Variants in BMPR2 observed in about 807,000 individuals in gnomAD.
BMPR2 encodes the protein bone morphogenetic protein receptor type 2.
BMPR2 carries 29 observed loss-of-function variants against 100.8 expected under a neutral mutation model. That is an observed-to-expected ratio of 0.29 (90% CI 0.21 to 0.39). The LOEUF (loss-of-function observed/expected upper bound fraction) is 0.39. BMPR2 is among the 10% of genes least tolerant of loss of function. The pLI, the probability that BMPR2 is intolerant of heterozygous loss-of-function variation, is 1.00. For synonymous variants in BMPR2, 382 were observed against 442.3 expected, an observed-to-expected ratio of 0.86 and a Z score of 1.71; for missense variants, 1,011 against 1,274.5, an observed-to-expected ratio of 0.79 and a Z score of 3.15.
intron 1 of BMPR2, among the ~76,000 whole-genome samples, chr2:202,464,559 G>A (rs1338711240): frequency 6.6e-6 from 1 of 152,132 alleles, no homozygotes. Flanking sequence ...AGAGTGGTGA[G>A]AATAATTTGA....
chr2:202,497,244 CT>C (rs1693054924), intron 3 of BMPR2, among the ~76,000 whole-genome samples: 1 of 152,248 alleles, frequency 6.6e-6, no homozygotes, highest in Admixed American at 6.5e-5. Flanking sequence ...GTGCCGCCCC[CT>C]GCTCCACGGC....
intron 10 of BMPR2, among the ~76,000 whole-genome samples, chr2:202,544,358 T>C (rs879689282): frequency 6.6e-6 from 1 of 152,200 alleles, no homozygotes. Flanking sequence ...AATCCTTGCA[T>C]GTTTAAAAAT....
At chr2:202,476,779 A>C (rs1226751723) in intron 3 of BMPR2, among the ~76,000 whole-genome samples, 1 of 152,146 alleles carries the variant, frequency 6.6e-6, no homozygotes, top group Non-Finnish European at 1.5e-5. Flanking sequence ...GCAGAGCGAG[A>C]CTCAAAAAAA....
At chr2:202,465,758 C>A (rs1263545325) in intron 2 of BMPR2, among the ~76,000 whole-genome samples, 4 of 151,844 alleles carry the variant, frequency 2.6e-5, no homozygotes, top group Non-Finnish European at 5.9e-5. Context: ...CAGGCTGAGG[C>A]AGGAGAATGG....
In BMPR2 at chr2:202,404,209, T is replaced by G. The variant is rs550386776; in HGVS notation, c.76+26659T>G. ...TCTTTGGGTTGTTTTTTTTTTTTTT[T>G]GAGATGGAGTCTTACTCTGTCACCC... On this transcript the variant is annotated intron_variant, in intron 1 of 12. Coordinates refer to ENST00000374580, the MANE Select transcript of BMPR2 (RefSeq NM_001204.7). Among the ~76,000 whole-genome samples the G allele has an allele frequency of 9.3e-3, 1,404 of 150,718 alleles. 9 individuals carry two copies. Among genetic ancestry groups the G allele is most frequent in the Non-Finnish European group, 0.015 (985 of 67,596 alleles).
At chr2:202,411,368 G>C (rs957847393) in intron 1 of BMPR2, among the ~76,000 whole-genome samples, 6 of 152,226 alleles carry the variant, frequency 3.9e-5, no homozygotes, top group African/African-American at 1.4e-4. Flanking sequence ...CTGAGCAGTG[G>C]AGGCAGGCTT....
intron 9 of BMPR2, among the ~76,000 whole-genome samples, chr2:202,540,731 G>A (rs747060337): frequency 6.6e-6 from 1 of 152,172 alleles, no homozygotes; most frequent in East Asian, 1.9e-4. Flanking sequence ...AAGGAAGGCT[G>A]CAGACATTGC....
chr2:202,428,136 C>T (rs1691429362), intron 1 of BMPR2, among the ~76,000 whole-genome samples: 1 of 152,198 alleles, frequency 6.6e-6, no homozygotes, highest in Non-Finnish European at 1.5e-5. Flanking sequence ...TAGCTCCCTC[C>T]TGTCTGCAGA....
rs1559043921 is a variant in BMPR2, at chr2:202,456,155, T to TGG, written c.77-8653_77-8652insGG. 2.7e-3 allele frequency among the ~76,000 whole-genome samples: 406 copies of TGG among 149,424 alleles called. 2 individuals are homozygous for TGG. Among genetic ancestry groups the TGG allele is most frequent in the African/African-American group, 9.7e-3 (393 of 40,688 alleles). On this transcript the variant is annotated intron_variant, in intron 1 of 12. Coordinates refer to ENST00000374580, the MANE Select transcript of BMPR2 (RefSeq NM_001204.7). ...TCAGATCTCATCACAAAGGACACTA[T>TGG]GTTTTTTTGTTTGTTTGTTTGTTTT...
At chr2:202,391,160 G>C (rs1229062887) in intron 1 of BMPR2, among the ~76,000 whole-genome samples, 1 of 151,590 alleles carries the variant, frequency 6.6e-6, no homozygotes, top group African/African-American at 2.4e-5. Context: ...ATTTTTAGTA[G>C]AGACAGGGTT....
At chr2:202,465,843 A>T (rs1692309906) in intron 2 of BMPR2, among the ~76,000 whole-genome samples, 1 of 151,816 alleles carries the variant, frequency 6.6e-6, no homozygotes, top group South Asian at 2.1e-4. Flanking sequence ...ACAGAGCGAG[A>T]CTCCGTCTCA....
intron 5 of BMPR2, among the ~76,000 whole-genome samples, chr2:202,517,914 G>A (rs569315965): frequency 2.8e-5 from 4 of 145,322 alleles, no homozygotes; most frequent in East Asian, 2.0e-4. Flanking sequence ...CCAGGTTCAC[G>A]CCATTCTCCT....
intron 5 of BMPR2, among the ~76,000 whole-genome samples, chr2:202,516,166 G>C (rs1428320941): frequency 6.6e-6 from 1 of 152,048 alleles, no homozygotes; most frequent in Non-Finnish European, 1.5e-5. Context: ...AGAATGACTT[G>C]AAAACTATGG....
At chr2:202,460,129 G>A (rs753566948) in intron 1 of BMPR2, among the ~76,000 whole-genome samples, 2 of 152,154 alleles carry the variant, frequency 1.3e-5, no homozygotes, top group Non-Finnish European at 2.9e-5. Flanking sequence ...GGAAGGTTGT[G>A]GAGAAAAAGG....
At chr2:202,397,566 A>G (rs560652516) in intron 1 of BMPR2, among the ~76,000 whole-genome samples, 5 of 150,774 alleles carry the variant, frequency 3.3e-5, no homozygotes, top group African/African-American at 1.2e-4. Context: ...TGGCACAAAC[A>G]TGGCTCCCTG....
intron 3 of BMPR2, among the ~76,000 whole-genome samples, chr2:202,470,635 G>A (rs1456637519): frequency 2.6e-5 from 4 of 151,532 alleles, no homozygotes; most frequent in African/African-American, 9.7e-5. Context: ...GCGGTGGCGG[G>A]CGCCTGTAGT....
At chr2:202,466,561 C>CA (rs1296701491) in intron 2 of BMPR2, among the ~76,000 whole-genome samples, 1 of 152,036 alleles carries the variant, frequency 6.6e-6, no homozygotes, top group Non-Finnish European at 1.5e-5. Context: ...GCTGGGATTA[C>CA]ACGTGTGAGC....
chr2:202,536,577 C>T (rs1337862223), intron 9 of BMPR2, among the ~76,000 whole-genome samples: 1 of 151,458 alleles, frequency 6.6e-6, no homozygotes, highest in East Asian at 2.0e-4. Flanking sequence ...GTAGTATCAA[C>T]AAGTACTTTT....
At chr2:202,475,097 G>A (rs1453312341) in intron 3 of BMPR2, 3 of 151,952 alleles carry the variant, frequency 2.0e-5, no homozygotes, top group African/African-American at 7.3e-5. Context: ...CTGCCTTTTT[G>A]TTTAACATAA....
Sources: allele counts gnomAD v4.1 joint callset (sites outside exome capture counted in the v4.1 genomes callset), GRCh38; gene constraint gnomAD v4.1.1; transcripts MANE v1.5; gene names NCBI Gene and HGNC (gene_info 2026-07-23, HGNC 2026-07-21).